The following PPP1R12B variants were observed in gnomAD, a reference collection of about 807,000 sequenced individuals.
PPP1R12B encodes myosin phosphatase target subunit 2.
Under a neutral mutation model 126.1 loss-of-function variants are expected in PPP1R12B, and 76 were observed. That is an observed-to-expected ratio of 0.60 (90% CI 0.50 to 0.73). PPP1R12B has a LOEUF of 0.73. Ranked by LOEUF, PPP1R12B falls within the 30% of genes least tolerant of loss-of-function variation. The pLI, the probability that PPP1R12B is intolerant of heterozygous loss-of-function variation, is 0.00. For synonymous variants in PPP1R12B, 356 were observed against 434.7 expected (o/e 0.82, Z 2.25); for missense variants, 1,052 against 1,205.1 (o/e 0.87, Z 1.88).
At chr1:202,507,219 C>T (rs1054085125) in intron 18 of PPP1R12B, among the ~76,000 whole-genome samples, 2 of 152,182 alleles carry the variant, frequency 1.3e-5, no homozygotes, top group African/African-American at 4.8e-5. Flanking sequence ...GCTACACGTT[C>T]TGTAGATCTG....
intron 1 of PPP1R12B, among the ~76,000 whole-genome samples, chr1:202,409,045 C>T (rs1040459559): frequency 6.6e-6 from 1 of 150,912 alleles, no homozygotes; most frequent in African/African-American, 2.4e-5. Flanking sequence ...CGCCATGTTG[C>T]CCAGGCTGGT....
intron 1 of PPP1R12B, among the ~76,000 whole-genome samples, chr1:202,353,901 C>T (rs538721556): frequency 6.6e-6 from 1 of 152,096 alleles, no homozygotes; most frequent in Non-Finnish European, 1.5e-5. Flanking sequence ...GTAGGAGCCA[C>T]TATGCCTGGC....
chr1:202,557,702 C>T (rs1687102582), intron 18 of PPP1R12B, among the ~76,000 whole-genome samples: 1 of 152,178 alleles, frequency 6.6e-6, no homozygotes, highest in Non-Finnish European at 1.5e-5. Context: ...GAAACAGCAT[C>T]TCCAGTATTG....
chr1:202,484,620 C>T (rs1396479411), intron 13 of PPP1R12B, among the ~76,000 whole-genome samples: 3 of 152,140 alleles, frequency 2.0e-5, no homozygotes, highest in African/African-American at 7.2e-5. Context: ...TAATTATAAT[C>T]TTTTATTTCC....
chr1:202,412,755 A>T (rs1427486643), intron 1 of PPP1R12B, among the ~76,000 whole-genome samples: 2 of 152,214 alleles, frequency 1.3e-5, no homozygotes, highest in Non-Finnish European at 2.9e-5. Context: ...ATTGGACTTC[A>T]GTACCTTTTT....
chr1:202,371,860 T>A (rs77012969), intron 1 of PPP1R12B, among the ~76,000 whole-genome samples: 1 of 15,162 alleles, frequency 6.6e-5, no homozygotes, highest in Non-Finnish European at 2.6e-4. Flanking sequence ...TATAGTTTCT[T>A]TTTTTTTTTT....
chr1:202,404,948 C>T (rs1298484223), intron 1 of PPP1R12B, among the ~76,000 whole-genome samples: 1 of 152,232 alleles, frequency 6.6e-6, no homozygotes, highest in East Asian at 1.9e-4. Context: ...TGTCTCTTTC[C>T]ACCACTAAAT....
intron 1 of PPP1R12B, among the ~76,000 whole-genome samples, chr1:202,355,559 A>G (rs893681526): frequency 1.3e-5 from 2 of 152,082 alleles, no homozygotes; most frequent in African/African-American, 2.4e-5. Flanking sequence ...GATGAGAGAG[A>G]GTCAGGGTGA....
At chr1:202,462,202 G>A (rs1316404887) in intron 13 of PPP1R12B, among the ~76,000 whole-genome samples, 1 of 152,148 alleles carries the variant, frequency 6.6e-6, no homozygotes, top group Non-Finnish European at 1.5e-5. Flanking sequence ...AATAACATTA[G>A]TACTGTTAAT....
chr1:202,487,436 G>A (rs1678293997), intron 13 of PPP1R12B, among the ~76,000 whole-genome samples: 1 of 152,140 alleles, frequency 6.6e-6, no homozygotes, highest in African/African-American at 2.4e-5. Context: ...CTGCTTTTCA[G>A]CATGTCCTAG....
At position 202,398,473 on chromosome 1, in the gene PPP1R12B, T is replaced by C. The variant is rs112261035; in HGVS notation, c.292-18314T>C. On this transcript the variant is annotated intron_variant, in intron 1 of 23. Coordinates refer to ENST00000608999, the MANE Select transcript of PPP1R12B (RefSeq NM_002481.4). ...ATAGCATTCATTGATTTTGATGATA[T>C]TAAATTGCCTTTTGGAAAATATTCA... Among the ~76,000 whole-genome samples, 813 of 152,352 alleles carry C rather than the reference T, an allele frequency of 5.3e-3. 7 individuals carry two copies. Among genetic ancestry groups the C allele is most frequent in the Middle Eastern group, 0.037 (11 of 294 alleles).
At chr1:202,397,025 T>G (rs982545046) in intron 1 of PPP1R12B, among the ~76,000 whole-genome samples, 2 of 152,242 alleles carry the variant, frequency 1.3e-5, no homozygotes, top group Non-Finnish European at 2.9e-5. Context: ...TAATTAAAGA[T>G]GCTCAAGTCT....
At chr1:202,558,607 G>A in intron 18 of PPP1R12B, 1 of 358,628 alleles carries the variant, frequency 2.8e-6, no homozygotes, top group Non-Finnish European at 5.0e-6. Context: ...TTTACATTTT[G>A]CTAACTTCTA....
chr1:202,380,985 TTC>T (rs1329090012), intron 1 of PPP1R12B, among the ~76,000 whole-genome samples: 1 of 152,196 alleles, frequency 6.6e-6, no homozygotes, highest in African/African-American at 2.4e-5. Context: ...ACTACCCACG[TTC>T]TCTTTCTTAT....
chr1:202,576,823 A>C (rs994708906), intron 23 of PPP1R12B: 1 of 119,770 alleles, frequency 8.3e-6, no homozygotes, highest in Non-Finnish European at 1.9e-5. Context: ...TATTGTAAAA[A>C]TGAAAAAAAA....
chr1:202,564,445 C>G lies in PPP1R12B; in HGVS notation c.2655C>G (p.Leu885=). 1 of 1,605,776 alleles carries G rather than the reference C, an allele frequency of 6.2e-7. No individual in the cohort carries two copies. Among genetic ancestry groups the G allele is most frequent in the Non-Finnish European group, 8.5e-7 (1 of 1,174,316 alleles). The change falls in exon 21 of 24, where the codon CTC becomes CTG. Residue 885 remains leucine, a splice_region_variant and synonymous_variant. Coordinates refer to ENST00000608999, the MANE Select transcript of PPP1R12B (RefSeq NM_002481.4). ...EEDSNRDYKK[L]YESALTENQK... is the part of the protein sequence containing the mutation. ...CCTCTTTTTTCCCTCTCCTCTAGCT[C>G]TATGAGAGTGCTCTGACTGAAAACC...
chr1:202,539,335 C>A (rs1194594784), intron 18 of PPP1R12B, among the ~76,000 whole-genome samples: 1 of 152,204 alleles, frequency 6.6e-6, no homozygotes, highest in East Asian at 1.9e-4. Context: ...AACCCGAATT[C>A]TGAGTTGAAA....
intron 13 of PPP1R12B, among the ~76,000 whole-genome samples, chr1:202,456,902 T>C (rs1673713289): frequency 6.6e-6 from 1 of 152,096 alleles, no homozygotes; most frequent in Non-Finnish European, 1.5e-5. Flanking sequence ...AAAGATGAAT[T>C]CACATAAAAC....
chr1:202,564,058 T>A (rs1687810717), intron 20 of PPP1R12B, among the ~76,000 whole-genome samples: 1 of 152,170 alleles, frequency 6.6e-6, no homozygotes, highest in African/African-American at 2.4e-5. Context: ...AGACCCTGTC[T>A]CCAAAGGGAA....
Sources: allele counts gnomAD v4.1 joint callset (sites outside exome capture counted in the v4.1 genomes callset), GRCh38; gene constraint gnomAD v4.1.1; transcripts MANE v1.5; gene names NCBI Gene and HGNC (gene_info 2026-07-23, HGNC 2026-07-21).